The following SPTA1 variants were observed in gnomAD, a reference collection of about 807,000 sequenced individuals.
The protein encoded by SPTA1 is spectrin alpha, erythrocytic 1, also known as spectrin alpha chain, erythrocytic 1.
Under a neutral mutation model 324.7 loss-of-function variants are expected in SPTA1, and 177 were observed. The ratio of observed to expected loss-of-function variants is 0.55; its 90% CI spans 0.48 to 0.62. SPTA1 has a LOEUF of 0.62. SPTA1 is among the 20% of genes least tolerant of loss of function. SPTA1 has a pLI of 0.00. For missense variants in SPTA1, 3,162 were observed against 2,883.6 expected (o/e 1.10, Z -2.21); for synonymous variants, 1,195 against 1,041.3 (o/e 1.15, Z -2.84).
rs200227172 is a variant in SPTA1 at position 158,642,100 on chromosome 1, AC to A, written c.4737+310del. The stretch of plus-strand genomic sequence containing the variant: ...CGCATGTTTTCACTCATAGGTGGGA[AC>A]TGAACAATGAGAACACATGGACACA... On this transcript the variant is annotated intron_variant, in intron 33 of 51. Transcript: ENST00000643759. Among the ~76,000 whole-genome samples, 1,123 of 152,186 alleles carry A rather than the reference AC, an allele frequency of 7.4e-3. 13 individuals carry two copies. Among genetic ancestry groups the A allele is most frequent in the African/African-American group, 0.026 (1,069 of 41,518 alleles).
chr1:158,625,478 A>G (rs1571390007), intron 42 of SPTA1, among the ~76,000 whole-genome samples: 1 of 152,106 alleles, frequency 6.6e-6, no homozygotes, highest in Non-Finnish European at 1.5e-5. Flanking sequence ...TACATACAAT[A>G]TACAATAAAA....
At position 158,647,671 on chromosome 1, in the gene SPTA1, T is replaced by C. The variant is rs1447265617; in HGVS notation, c.3764A>G (p.Asp1255Gly). The C allele has an allele frequency of 1.2e-6, 2 of 1,613,814 alleles. No individual in the cohort carries two copies. Among genetic ancestry groups the C allele is most frequent in the African/African-American group, 1.3e-5 (1 of 74,866 alleles). Residue 1255 changes from aspartate to glycine, a missense_variant, in exon 27 of 52, where the codon GAT becomes GGT. Physicochemically the swap from Asp to Gly is moderately conservative, Grantham distance 94. Coordinates refer to ENST00000643759, the MANE Select transcript of SPTA1 (RefSeq NM_003126.4). ...CTGTCTCTGCAGGTCCTCAGTGGCA[T>C]CTGGATGGGACTCACTGAGCCGCTC... is the stretch of plus-strand genomic sequence containing the variant. ...TAERLSESHP[D>G]ATEDLQRQKM...
At chr1:158,622,282 G>A (rs1415599198) in intron 43 of SPTA1, among the ~76,000 whole-genome samples, 1 of 151,618 alleles carries the variant, frequency 6.6e-6, no homozygotes, top group East Asian at 1.9e-4. Flanking sequence ...ATGTAATAAT[G>A]TTACATTATT....
intron 51 of SPTA1, chr1:158,611,592 A>T: frequency 1.9e-6 from 1 of 526,164 alleles, no homozygotes. Context: ...CCTTTCTTGA[A>T]AAAGAGAGCT....
rs376835431 is a variant in SPTA1 at position 158,661,356 on chromosome 1, C to G, written c.2518G>C (p.Glu840Gln). The G allele has an allele frequency of 1.2e-5, 20 of 1,613,788 alleles. No individual in the cohort carries two copies. Among genetic ancestry groups the G allele is most frequent in the African/African-American group, 2.7e-5 (2 of 74,852 alleles). Reference sequence around the variant, plus strand: ...CGTGGTTCATGGCTGGCAATGTTCTCCAGGATGACTCTATGCCTATTCAGA... The same window carrying G: ...CGTGGTTCATGGCTGGCAATGTTCTGCAGGATGACTCTATGCCTATTCAGA... ...KLLNRHRVIL[E>Q]NIASHEPRIQ... The change falls in exon 18 of 52, where the codon GAG becomes CAG. Residue 840 changes from glutamate to glutamine, a missense_variant. Physicochemically the swap from Glu to Gln is conservative, Grantham distance 29 (BLOSUM62 2). Transcript: ENST00000643759.
intron 45 of SPTA1, 148 bp downstream of exon 45, chr1:158,619,074 C>T (rs1399345858): frequency 1.5e-5 from 12 of 796,088 alleles, no homozygotes; most frequent in South Asian, 1.3e-4. Context: ...ACAGTCAACT[C>T]CAAATATAAA....
intron 39 of SPTA1, among the ~76,000 whole-genome samples, chr1:158,632,821 T>A (rs370031550): frequency 8.0e-5 from 12 of 150,118 alleles, no homozygotes; most frequent in African/African-American, 2.7e-4. Context: ...GTGATTGGGG[T>A]CCTGTACATT....
In SPTA1 at chr1:158,610,982, C is replaced by A; in HGVS notation, c.*282G>T. 5.7e-6 allele frequency: 2 copies of A among 353,898 alleles called. No homozygotes were observed. Among genetic ancestry groups the A allele is most frequent in the South Asian group, 3.4e-5 (1 of 29,828 alleles). 21.9% of individuals were successfully genotyped at this position (353,898 alleles called of 1,614,324 possible). On this transcript the variant is annotated 3_prime_UTR_variant, in exon 52 of 52. Transcript: ENST00000643759. ...AATGATAAAGACGTGCAAAACAGAACAAATAAAAATAGAAACTTTGACACC... is the reference window on the plus strand; with the variant it reads ...AATGATAAAGACGTGCAAAACAGAAAAAATAAAAATAGAAACTTTGACACC...
At position 158,612,557 on chromosome 1, in the gene SPTA1, G is replaced by GA. The variant is rs34729637; in HGVS notation, c.7134+259dup. The GA allele has an allele frequency of 9.4e-3, 3,939 of 416,986 alleles. 4 individuals are homozygous for GA. The highest frequency in any genetic ancestry group is 0.014 in the East Asian group (268 of 19,494). 25.8% of individuals were successfully genotyped at this position (416,986 alleles called of 1,614,324 possible). A position where few individuals can be genotyped will look rare whatever the true frequency, so the allele number is the denominator to read the frequency against. On this transcript the variant is annotated intron_variant, in intron 51 of 51. Transcript: ENST00000643759. ...AATAAATGCTCTTTGAATTAATGAGGAAAAAAAAAAGAAATAGCCTTAAAA... is the reference window on the plus strand; with the variant it reads ...AATAAATGCTCTTTGAATTAATGAGGAAAAAAAAAAAGAAATAGCCTTAAAA...
chr1:158,636,570 T>A, intron 37 of SPTA1, 71 bp downstream of exon 37: 1 of 1,567,470 alleles, frequency 6.4e-7, no homozygotes, highest in Non-Finnish European at 8.8e-7. Context: ...AGCACCCTCT[T>A]ATTTATCTGT....
chr1:158,673,120 A>G (rs1654144552), intron 10 of SPTA1, among the ~76,000 whole-genome samples: 1 of 152,094 alleles, frequency 6.6e-6, no homozygotes, highest in African/African-American at 2.4e-5. Context: ...TACTCTGTCA[A>G]CAACAACAAA....
intron 47 of SPTA1, among the ~76,000 whole-genome samples, chr1:158,615,987 G>C (rs1649534164): frequency 6.6e-6 from 1 of 152,140 alleles, no homozygotes; most frequent in South Asian, 2.1e-4. Flanking sequence ...TTCTCAGTGA[G>C]GGAATATTGC....
At chr1:158,626,767 A>G in intron 41 of SPTA1, 72 bp downstream of exon 41, 1 of 1,596,184 alleles carries the variant, frequency 6.3e-7, no homozygotes, top group Non-Finnish European at 8.6e-7. Context: ...AGTCCCAGAG[A>G]CCATTCTACA....
intron 43 of SPTA1, among the ~76,000 whole-genome samples, chr1:158,620,980 A>G (rs971520880): frequency 6.6e-6 from 1 of 152,072 alleles, no homozygotes; most frequent in Non-Finnish European, 1.5e-5. Flanking sequence ...TCTCTTTGAC[A>G]AGGCTATGTC....
chr1:158,640,602 CA>C (rs1651482365), intron 33 of SPTA1, among the ~76,000 whole-genome samples: 1 of 152,072 alleles, frequency 6.6e-6, no homozygotes, highest in Non-Finnish European at 1.5e-5. Context: ...CCTAGGAATC[CA>C]CCTTACAAGG....
At chr1:158,677,442 A>G (rs1425553830) in intron 7 of SPTA1, among the ~76,000 whole-genome samples, 1 of 152,214 alleles carries the variant, frequency 6.6e-6, no homozygotes, top group Non-Finnish European at 1.5e-5. Context: ...TAAGTTAGGA[A>G]AACACAAGAG....
In SPTA1 at chr1:158,661,298, ATT is replaced by A; in HGVS notation, c.2574_2575del (p.Lys858AsnfsTer15). On this transcript the variant is annotated frameshift_variant, in exon 18 of 52. Coordinates refer to ENST00000643759, the MANE Select transcript of SPTA1 (RefSeq NM_003126.4). LOFTEE classifies it high-confidence loss of function. ...TCAATCATACATACCTTCCTCTACC[ATT>A]TTGTTTCCCCTTTCTGTTATCTCTT... The A allele has an allele frequency of 6.2e-7, 1 of 1,613,704 alleles. No homozygotes were observed. Among genetic ancestry groups the A allele is most frequent in the Non-Finnish European group, 8.5e-7 (1 of 1,179,822 alleles).
In SPTA1 at chr1:158,643,375, A is replaced by G; in HGVS notation, c.4389T>C (p.Asp1463=). 6.2e-7 allele frequency: 1 copy of G among 1,613,890 alleles called. No individual in the cohort carries two copies. Among genetic ancestry groups the G allele is most frequent in the Non-Finnish European group, 8.5e-7 (1 of 1,179,894 alleles). The part of the protein sequence containing the change: ...LEHFAESLIA[D]EHYAKEEIAT... ...CAATCTCTTCTTTGGCATAGTGTTC[A>G]TCAGCAATGAGGCTCTCAGCAAAAT... The change falls in exon 31 of 52, where the codon GAT becomes GAC. Residue 1463 remains aspartate (D), a synonymous_variant. Transcript: ENST00000643759.
At chr1:158,634,719 GTAAGC>G in intron 38 of SPTA1, 44 bp from the exon 39 acceptor site, 1 of 1,612,504 alleles carries the variant, frequency 6.2e-7, no homozygotes, top group Non-Finnish European at 8.5e-7. Context: ...GAACAAACTG[GTAAGC>G]AGTGGGAGTA....
Sources: gnomAD v4.1 joint callset for allele counts (sites outside exome capture counted in the v4.1 genomes callset) on GRCh38, gnomAD v4.1.1 for gene constraint, MANE v1.5 for transcripts, NCBI Gene and HGNC (gene_info 2026-07-23, HGNC 2026-07-21) for gene names.